The following ANKFN1 variants were observed in gnomAD, a reference collection of about 807,000 sequenced individuals.
ANKFN1 encodes the protein ankyrin repeat and fibronectin type-III domain-containing protein 1.
In ANKFN1, 74 loss-of-function variants were observed where a neutral mutation model predicts 108.7. The observed-to-expected ratio is 0.68, with a 90% confidence interval of 0.56 to 0.83. The LOEUF (loss-of-function observed/expected upper bound fraction) is 0.83, where lower values mean the gene tolerates loss of function less well. Among genes scored for constraint, ANKFN1 ranks in the 40% least tolerant of loss-of-function variants. The probability of loss-of-function intolerance (pLI) is 0.00; values close to 1 mark genes in which losing one functional copy is unlikely to be tolerated. For missense variants in ANKFN1, 1,505 were observed against 1,382.3 expected (o/e 1.09, Z -1.41); for synonymous variants, 547 against 516.2 (o/e 1.06, Z -0.81).
intron 8 of ANKFN1, among the ~76,000 whole-genome samples, chr17:56,430,157 C>A (rs534538578): frequency 6.6e-6 from 1 of 152,064 alleles, no homozygotes; most frequent in South Asian, 2.1e-4. Flanking sequence ...GGTCAGAGAT[C>A]ATGTCATTTG....
At chr17:56,462,096 T>C (rs1244961361) in intron 14 of ANKFN1, 6 of 152,164 alleles carry the variant, frequency 3.9e-5, no homozygotes, top group African/African-American at 1.2e-4. Flanking sequence ...CATCACTTTT[T>C]TTGGTAGGAC....
chr17:56,316,673 A>G (rs946056897), intron 3 of ANKFN1, among the ~76,000 whole-genome samples: 6 of 152,210 alleles, frequency 3.9e-5, no homozygotes, highest in African/African-American at 1.4e-4. Context: ...TCTCATTTTG[A>G]CTGGCACTCA....
chr17:56,347,056 GT>G (rs776078114), intron 4 of ANKFN1, among the ~76,000 whole-genome samples: 13 of 151,152 alleles, frequency 8.6e-5, no homozygotes, highest in Non-Finnish European at 1.3e-4. Flanking sequence ...TATTTATTAT[GT>G]TTTTTTATTT....
rs1045604112 is a variant in ANKFN1 at position 56,516,406 on chromosome 17, T to C, written c.*5137T>C. Among the ~76,000 whole-genome samples the C allele has an allele frequency of 1.3e-5, 2 of 152,192 alleles. No homozygotes were observed. Among genetic ancestry groups the C allele is most frequent in the African/African-American group, 4.8e-5 (2 of 41,436 alleles). On this transcript the variant is annotated 3_prime_UTR_variant, in exon 21 of 21. Transcript: ENST00000682825. ...AGCAATCTGGCTGATTATTGGTTGT[T>C]ACTTGTTCAGAATTTATTGTGTCTT...
intron 3 of ANKFN1, among the ~76,000 whole-genome samples, chr17:56,293,738 T>G (rs2044431955): frequency 1.3e-5 from 2 of 152,150 alleles, no homozygotes; most frequent in South Asian, 4.1e-4. Context: ...GCCAAAACAG[T>G]CTCCCTGGCA....
intron 4 of ANKFN1, among the ~76,000 whole-genome samples, chr17:56,136,588 T>C (rs149088594): frequency 6.6e-6 from 1 of 152,304 alleles, no homozygotes; most frequent in Non-Finnish European, 1.5e-5. Flanking sequence ...CAGAATTATA[T>C]GAAAGATGCT....
At chr17:56,416,879 A>G (rs537572079) in intron 8 of ANKFN1, among the ~76,000 whole-genome samples, 217 of 152,350 alleles carry the variant, frequency 1.4e-3, no homozygotes, top group African/African-American at 4.7e-3. Context: ...GCAGCCATAA[A>G]AAAGAATGAG....
At chr17:56,232,826 A>G (rs1323247167) in intron 3 of ANKFN1, among the ~76,000 whole-genome samples, 2 of 152,156 alleles carry the variant, frequency 1.3e-5, no homozygotes, top group East Asian at 1.9e-4. Flanking sequence ...CTTTAGGCTG[A>G]TATCTGTGCC....
intron 4 of ANKFN1, among the ~76,000 whole-genome samples, chr17:56,060,091 C>T (rs1904946825): frequency 6.6e-6 from 1 of 152,166 alleles, no homozygotes; most frequent in Non-Finnish European, 1.5e-5. Context: ...TTGTTTGTGT[C>T]CTCTCTTATT....
intron 1 of ANKFN1, among the ~76,000 whole-genome samples, chr17:56,167,261 G>GTGTATATATA (rs1555603934): frequency 1.3e-5 from 1 of 74,720 alleles, no homozygotes; most frequent in African/African-American, 4.4e-5. Flanking sequence ...GTATGTGTGT[G>GTGTATATATA]TATATATATA....
chr17:56,057,690 G>A (rs1036573583), intron 4 of ANKFN1, among the ~76,000 whole-genome samples: 1 of 152,104 alleles, frequency 6.6e-6, no homozygotes, highest in Non-Finnish European at 1.5e-5. Flanking sequence ...AGAGGCTGAG[G>A]CAGGAGAATC....
chr17:56,319,042 T>A (rs1360967058), intron 3 of ANKFN1, among the ~76,000 whole-genome samples: 2 of 152,108 alleles, frequency 1.3e-5, no homozygotes, highest in East Asian at 3.9e-4. Flanking sequence ...AATATTAAGA[T>A]TTTCTTTACA....
intron 3 of ANKFN1, among the ~76,000 whole-genome samples, chr17:56,312,244 A>G (rs2045051563): frequency 6.6e-6 from 1 of 152,164 alleles, no homozygotes; most frequent in Non-Finnish European, 1.5e-5. Context: ...TTAAAATTAA[A>G]TGATACTTTT....
intron 8 of ANKFN1, among the ~76,000 whole-genome samples, chr17:56,421,339 G>A (rs1015255330): frequency 2.6e-5 from 4 of 152,158 alleles, no homozygotes; most frequent in East Asian, 1.9e-4. Flanking sequence ...GTCAGTTCTG[G>A]ATGAAGGCCA....
At position 56,257,635 on chromosome 17, in the gene ANKFN1, C is replaced by T. The variant is rs535438117; in HGVS notation, c.53+29678C>T. ...TCCAGGCTACGGGGAAATGAGGACA[C>T]GGGGCCTGTTCAAGGGACTCCCTCT... On this transcript the variant is annotated intron_variant, in intron 3 of 20. Coordinates refer to ENST00000682825, the MANE Select transcript of ANKFN1 (RefSeq NM_001370326.1). Among the ~76,000 whole-genome samples the T allele has an allele frequency of 2.2e-3, 334 of 152,298 alleles. 2 individuals are homozygous for T. Among genetic ancestry groups the T allele is most frequent in the African/African-American group, 7.7e-3 (319 of 41,572 alleles).
At chr17:56,237,414 C>T (rs575224579) in intron 3 of ANKFN1, among the ~76,000 whole-genome samples, 4 of 152,084 alleles carry the variant, frequency 2.6e-5, no homozygotes, top group Admixed American at 6.5e-5. Context: ...TCTAGTCCTG[C>T]CCTTTCTTTA....
At chr17:56,294,777 T>C (rs1388770630) in intron 3 of ANKFN1, among the ~76,000 whole-genome samples, 3 of 152,238 alleles carry the variant, frequency 2.0e-5, no homozygotes, top group Non-Finnish European at 4.4e-5. Context: ...TATTACTAAA[T>C]GCTAATTCTA....
intron 3 of ANKFN1, among the ~76,000 whole-genome samples, chr17:56,317,148 A>G (rs1041960667): frequency 3.9e-5 from 6 of 152,218 alleles, no homozygotes; most frequent in Non-Finnish European, 5.9e-5. Context: ...TAAGTGCTCT[A>G]TGGCTTCTTG....
chr17:56,327,014 A>G (rs1335858709), intron 4 of ANKFN1, among the ~76,000 whole-genome samples: 3 of 152,260 alleles, frequency 2.0e-5, no homozygotes, highest in African/African-American at 7.2e-5. Flanking sequence ...TCATAAAGAT[A>G]TGGTTGCTGA....
Sources: allele counts gnomAD v4.1 joint callset (sites outside exome capture counted in the v4.1 genomes callset), GRCh38; gene constraint gnomAD v4.1.1; transcripts MANE v1.5; gene names NCBI Gene and HGNC (gene_info 2026-07-23, HGNC 2026-07-21).